SDK1: variants seen among roughly 807,000 people sequenced by gnomAD.
The protein encoded by SDK1 is sidekick cell adhesion molecule 1.
Under a neutral mutation model 245.5 loss-of-function variants are expected in SDK1, and 157 were observed. The ratio of observed to expected loss-of-function variants is 0.64; its 90% confidence interval spans 0.56 to 0.73. The LOEUF (loss-of-function observed/expected upper bound fraction) is 0.73. SDK1 is among the 30% of genes least tolerant of loss of function. The pLI, the probability that SDK1 is intolerant of heterozygous loss-of-function variation, is 0.00. For synonymous variants in SDK1, 1,647 were observed against 1,278.5 expected (o/e 1.29, Z -6.15); for missense variants, 3,583 against 3,002.3 (o/e 1.19, Z -4.52).
intron 5 of SDK1, among the ~76,000 whole-genome samples, chr7:3,921,694 G>A (rs910857177): frequency 2.6e-5 from 4 of 152,090 alleles, no homozygotes; most frequent in Non-Finnish European, 5.9e-5. Context: ...GGCCAGGCAC[G>A]GTGGCTCATG....
At chr7:3,786,158 T>C (rs926434352) in intron 4 of SDK1, among the ~76,000 whole-genome samples, 1 of 152,094 alleles carries the variant, frequency 6.6e-6, no homozygotes, top group Non-Finnish European at 1.5e-5. Flanking sequence ...TTTATCTCTT[T>C]TACTCTTTCC....
intron 22 of SDK1, among the ~76,000 whole-genome samples, chr7:4,080,133 G>A (rs945224473): frequency 3.9e-5 from 6 of 152,160 alleles, no homozygotes; most frequent in Non-Finnish European, 7.3e-5. Flanking sequence ...GAGGGACAGC[G>A]AGGAGGGTGG....
At chr7:3,612,405 A>G (rs545149990) in intron 1 of SDK1, among the ~76,000 whole-genome samples, 1 of 152,186 alleles carries the variant, frequency 6.6e-6, no homozygotes, top group Non-Finnish European at 1.5e-5. Context: ...AAAGATTGAT[A>G]TTACTATTAT....
chr7:3,499,691 C>T (rs918360964), intron 1 of SDK1, among the ~76,000 whole-genome samples: 1 of 152,152 alleles, frequency 6.6e-6, no homozygotes, highest in African/African-American at 2.4e-5. Flanking sequence ...CTGCAGGCTA[C>T]TATAAGAAGA....
intron 4 of SDK1, among the ~76,000 whole-genome samples, chr7:3,657,783 T>A (rs1448507067): frequency 1.3e-5 from 2 of 152,160 alleles, no homozygotes; most frequent in Non-Finnish European, 2.9e-5. Flanking sequence ...ACTCTAAATC[T>A]TCACGACATG....
intron 5 of SDK1, among the ~76,000 whole-genome samples, chr7:3,825,283 AACTGAATT>A (rs1341377627): frequency 2.0e-5 from 3 of 151,184 alleles, no homozygotes; most frequent in African/African-American, 4.9e-5. Context: ...AGAACTTCTG[AACTGAATT>A]ACTATGTGAA....
Position 4,160,618 on chromosome 7 carries a change from C to T in SDK1, c.4730-1168C>T, listed in dbSNP as rs116143876. Among the ~76,000 whole-genome samples the T allele has an allele frequency of 3.7e-3, 560 of 152,242 alleles. 5 individuals are homozygous for T. The highest frequency in any genetic ancestry group is 0.013 in the African/African-American group (532 of 41,522). ...AGGGAGAGTCCTCTGAGTATGTGGA[C>T]GGTTTACTGATGAACAGTTTCTTTT... is the stretch of plus-strand genomic sequence containing the variant. On this transcript the variant is annotated intron_variant, in intron 31 of 44. Coordinates refer to ENST00000404826, the MANE Select transcript of SDK1 (RefSeq NM_152744.4).
At chr7:3,305,118 G>C (rs1291079048) in intron 1 of SDK1, among the ~76,000 whole-genome samples, 3 of 152,110 alleles carry the variant, frequency 2.0e-5, no homozygotes, top group Non-Finnish European at 4.4e-5. Context: ...TTCATGATTT[G>C]AAACTCAACA....
chr7:3,681,837 A>G (rs528080092), intron 4 of SDK1, among the ~76,000 whole-genome samples: 96 of 152,330 alleles, frequency 6.3e-4, no homozygotes, highest in Non-Finnish European at 1.0e-3. Context: ...AAACAGAGGT[A>G]TAACATTTTT....
chr7:3,851,902 A>G (rs989937106), intron 5 of SDK1, among the ~76,000 whole-genome samples: 15 of 152,242 alleles, frequency 9.9e-5, no homozygotes. Context: ...CCCCTGACAG[A>G]TTTTGACAAA....
At chr7:3,675,341 A>G (rs982803661) in intron 4 of SDK1, among the ~76,000 whole-genome samples, 1 of 152,234 alleles carries the variant, frequency 6.6e-6, no homozygotes, top group African/African-American at 2.4e-5. Flanking sequence ...AGCTGGAATT[A>G]TTATAACAGC....
intron 1 of SDK1, among the ~76,000 whole-genome samples, chr7:3,312,258 C>G (rs1167638308): frequency 6.6e-6 from 1 of 152,088 alleles, no homozygotes; most frequent in African/African-American, 2.4e-5. Context: ...GCCCTCAGGT[C>G]TGAAACTGAC....
chr7:3,427,406 C>G (rs918359863), intron 1 of SDK1, among the ~76,000 whole-genome samples: 1 of 151,534 alleles, frequency 6.6e-6, no homozygotes, highest in African/African-American at 2.4e-5. Flanking sequence ...GTAAATCCAG[C>G]TACTTGGGAG....
chr7:4,004,452 A>G (rs1481903714), intron 14 of SDK1, among the ~76,000 whole-genome samples: 2 of 152,248 alleles, frequency 1.3e-5, no homozygotes, highest in East Asian at 3.8e-4. Context: ...TCTCATTCAT[A>G]TAAAAATGCA....
intron 4 of SDK1, among the ~76,000 whole-genome samples, chr7:3,805,584 G>T (rs899950842): frequency 2.0e-5 from 3 of 152,206 alleles, no homozygotes; most frequent in Non-Finnish European, 4.4e-5. Flanking sequence ...GACCATAGCA[G>T]TTCCCCCAGT....
chr7:3,540,530 T>G (rs1321777544), intron 1 of SDK1, among the ~76,000 whole-genome samples: 2 of 150,016 alleles, frequency 1.3e-5, no homozygotes, highest in Non-Finnish European at 3.0e-5. Flanking sequence ...GAAGTGACTC[T>G]GAATCTAAGA....
chr7:4,233,324 A>G lies in SDK1; in HGVS notation c.5897A>G (p.Asp1966Gly), dbSNP rs1187720470. 2.5e-6 allele frequency: 4 copies of G among 1,613,854 alleles called. No homozygotes were observed. Among genetic ancestry groups the G allele is most frequent in the Non-Finnish European group, 3.4e-6 (4 of 1,180,048 alleles). Reference protein sequence around the residue: ...RSATSYTLSLDKLRQGVTYEF... With the variant: ...RSATSYTLSLGKLRQGVTYEF... ...GCCACATCCTACACCCTCAGCCTGG[A>G]TAAGCTCCGGCAAGGAGTGACTTAC... The change falls in exon 41 of 45, where the codon GAT (aspartate) becomes GGT (glycine). Residue 1966 changes from aspartate (D) to glycine (G), a missense_variant. By Grantham distance (94) the Asp-to-Gly change is moderately conservative. Transcript: ENST00000404826.
intron 37 of SDK1, among the ~76,000 whole-genome samples, chr7:4,209,112 G>A (rs1216669666): frequency 6.6e-6 from 1 of 152,222 alleles, no homozygotes; most frequent in Non-Finnish European, 1.5e-5. Context: ...ACTCTCATGT[G>A]CTGACCACAA....
intron 4 of SDK1, among the ~76,000 whole-genome samples, chr7:3,770,401 C>CTGTATGTGCCCATTCATGCA (rs1482501201): frequency 6.6e-6 from 1 of 152,180 alleles, no homozygotes; most frequent in African/African-American, 2.4e-5. Flanking sequence ...TTTTGGGCTT[C>CTGTATGTGCCCATTCATGCA]TGTGAACATT....
Sources: allele counts gnomAD v4.1 joint callset (sites outside exome capture counted in the v4.1 genomes callset), GRCh38; gene constraint gnomAD v4.1.1; transcripts MANE v1.5; gene names NCBI Gene and HGNC (gene_info 2026-07-23, HGNC 2026-07-21).